MIA2: variants seen among roughly 807,000 people sequenced by gnomAD.
MIA2 encodes the protein melanoma inhibitory activity protein 2.
MIA2 carries 127 observed loss-of-function variants against 167.8 expected under a neutral mutation model. The observed-to-expected ratio is 0.76, with a 90% CI of 0.66 to 0.88. The LOEUF is 0.88. Ranked by LOEUF, MIA2 falls within the 40% of genes least tolerant of loss-of-function variation. The pLI, the probability that MIA2 is intolerant of heterozygous loss-of-function variation, is 0.00. For missense variants in MIA2, 1,690 were observed against 1,624.7 expected, an observed-to-expected ratio of 1.04 and a Z score of -0.69; for synonymous variants, 552 against 541.9, an observed-to-expected ratio of 1.02 and a Z score of -0.26.
In MIA2 at chr14:39,246,980, G is replaced by T; in HGVS notation, c.406G>T (p.Asp136Tyr). 6.4e-7 allele frequency: 1 copy of T among 1,554,936 alleles called. No individual in the cohort carries two copies. Among genetic ancestry groups the T allele is most frequent in the South Asian group, 1.3e-5 (1 of 79,202 alleles). ...CAATGAAGATAGTGAATTAAACGGT[G>T]ATTATGGTGAAAATATATATCCTTA... The part of the protein sequence containing the change: ...FDNEDSELNG[D>Y]YGENIYPYEE... The change falls in exon 4 of 29, where the codon GAT becomes TAT. Residue 136 changes from aspartate (D) to tyrosine (Y), a missense_variant. By Grantham distance (160) the Asp-to-Tyr change is radical (BLOSUM62 -3). Transcript: ENST00000640607.
chr14:39,322,776 G>T (rs1336719620), intron 24 of MIA2, among the ~76,000 whole-genome samples: 1 of 151,876 alleles, frequency 6.6e-6, no homozygotes, highest in Non-Finnish European at 1.5e-5. Context: ...ATCTTAATTT[G>T]TGGCGAAATT....
At chr14:39,342,029 T>G (rs575065876) in intron 25 of MIA2, among the ~76,000 whole-genome samples, 39 of 152,152 alleles carry the variant, frequency 2.6e-4, no homozygotes, top group South Asian at 1.9e-3. Flanking sequence ...AAAAAAAATT[T>G]TATTATACTC....
chr14:39,376,425 A>G (rs1412548434), intron 23 of MIA2, among the ~76,000 whole-genome samples: 6 of 152,222 alleles, frequency 3.9e-5, no homozygotes, highest in Non-Finnish European at 5.9e-5. Flanking sequence ...ATTTTAATAT[A>G]TAAATGTTTT....
chr14:39,353,162 T>A (rs1381248077), downstream of MIA2, among the ~76,000 whole-genome samples: 1 of 152,204 alleles, frequency 6.6e-6, no homozygotes, highest in Non-Finnish European at 1.5e-5. Context: ...GTATCCACCA[T>A]CTTGAGTATT....
At chr14:39,256,966 G>T (rs1287495056) in intron 6 of MIA2, among the ~76,000 whole-genome samples, 1 of 152,164 alleles carries the variant, frequency 6.6e-6, no homozygotes, top group East Asian at 1.9e-4. Context: ...TTGCACTGTG[G>T]TCTGAGAGAC....
chr14:39,336,755 A>C (rs1032844193), intron 25 of MIA2, among the ~76,000 whole-genome samples: 2 of 152,064 alleles, frequency 1.3e-5, no homozygotes, highest in African/African-American at 4.8e-5. Flanking sequence ...TTTATTAAAA[A>C]ATTTTTTTAG....
chr14:39,352,810 T>C (rs2074424769), downstream of MIA2, among the ~76,000 whole-genome samples: 1 of 152,206 alleles, frequency 6.6e-6, no homozygotes, highest in South Asian at 2.1e-4. Context: ...TATGTATGCA[T>C]GTAGAATCAC....
intron 1 of MIA2, among the ~76,000 whole-genome samples, chr14:39,236,158 G>A (rs1329958303): frequency 6.6e-6 from 1 of 152,108 alleles, no homozygotes; most frequent in Non-Finnish European, 1.5e-5. Flanking sequence ...TTTTAGTGAA[G>A]GATGACAAGA....
chr14:39,281,336 A>G (rs2058908314), intron 9 of MIA2, among the ~76,000 whole-genome samples: 1 of 151,972 alleles, frequency 6.6e-6, no homozygotes, highest in South Asian at 2.1e-4. Flanking sequence ...TTTTTATTAT[A>G]TCTCATCTGT....
rs191684617 is a variant in MIA2, at chr14:39,257,227, G to A, written c.1887+4056G>A. On this transcript the variant is annotated intron_variant, in intron 6 of 28. Coordinates refer to ENST00000640607, the MANE Select transcript of MIA2 (RefSeq NM_001329214.4). ...ATTATTGTGTGGGAGTCTAAGTCTC[G>A]TTGTAGGTCTCTAAGAACTTGCTTT... Among the ~76,000 whole-genome samples, 14 of 152,222 alleles carry A rather than the reference G, an allele frequency of 9.2e-5. No homozygotes were observed. The East Asian group carries it at 1.2e-3, about 13-fold the overall frequency.
At chr14:39,255,066 C>T (rs1225394577) in intron 6 of MIA2, among the ~76,000 whole-genome samples, 1 of 152,132 alleles carries the variant, frequency 6.6e-6, no homozygotes, top group African/African-American at 2.4e-5. Flanking sequence ...TAGCATACAT[C>T]ATTTTGCTTT....
intron 6 of MIA2, among the ~76,000 whole-genome samples, chr14:39,262,652 G>C (rs919869505): frequency 8.5e-5 from 13 of 152,174 alleles, no homozygotes; most frequent in African/African-American, 3.1e-4. Context: ...CATGAGCATG[G>C]AATGTTCTTC....
At chr14:39,344,700 G>A (rs539431202) in intron 25 of MIA2, among the ~76,000 whole-genome samples, 8 of 152,262 alleles carry the variant, frequency 5.3e-5, no homozygotes, top group East Asian at 3.9e-4. Flanking sequence ...GGTTGTTTAC[G>A]TATATCTGTA....
At chr14:39,382,063 A>G (rs1049552312) in intron 23 of MIA2, among the ~76,000 whole-genome samples, 7 of 152,144 alleles carry the variant, frequency 4.6e-5, no homozygotes, top group African/African-American at 1.7e-4. Flanking sequence ...AAAAAACTCA[A>G]ACTTGCCTTC....
chr14:39,293,442 T>C, intron 11 of MIA2, 61 bp downstream of exon 11: 2 of 1,122,472 alleles, frequency 1.8e-6, no homozygotes, highest in Non-Finnish European at 2.6e-6. Flanking sequence ...TTTAAAAAAT[T>C]AATATGATAC....
At chr14:39,291,312 C>T (rs1258055748) in intron 10 of MIA2, among the ~76,000 whole-genome samples, 1 of 152,016 alleles carries the variant, frequency 6.6e-6, no homozygotes, top group Non-Finnish European at 1.5e-5. Flanking sequence ...TTATTGCTAA[C>T]TTGTTTTGAG....
In MIA2 at chr14:39,326,841, T is replaced by C. The variant is rs762981788; in HGVS notation, c.3497-23T>C. The C allele has an allele frequency of 3.5e-6, 5 of 1,425,140 alleles. No individual in the cohort carries two copies. In the African/African-American group the frequency reaches 9.0e-5, roughly 26 times the overall value. 88.3% of individuals were successfully genotyped at this position (1,425,140 alleles called of 1,614,324 possible). On this transcript the variant is annotated intron_variant, in intron 24 of 28. Coordinates refer to ENST00000640607, the MANE Select transcript of MIA2 (RefSeq NM_001329214.4). Reference sequence around the variant, plus strand: ...GACTTTTTAAGATGAAACAGATTTGTATGTTTTTTTTTCTTTAATTAGGCT... The same window carrying C: ...GACTTTTTAAGATGAAACAGATTTGCATGTTTTTTTTTCTTTAATTAGGCT...
intron 28 of MIA2, 106 bp downstream of exon 28, chr14:39,349,083 T>C: frequency 7.5e-7 from 1 of 1,329,340 alleles, no homozygotes; most frequent in Non-Finnish European, 1.0e-6. Context: ...GAAAGTTTTT[T>C]CTAGCATTCT....
intron 27 of MIA2, 68 bp from the exon 28 acceptor site, chr14:39,348,675 C>A: frequency 6.3e-7 from 1 of 1,583,356 alleles, no homozygotes; most frequent in African/African-American, 1.3e-5. Flanking sequence ...TCTTCTAAGC[C>A]TGAGATTTTC....
Sources: allele counts gnomAD v4.1 joint callset (sites outside exome capture counted in the v4.1 genomes callset), GRCh38; gene constraint gnomAD v4.1.1; transcripts MANE v1.5; gene names NCBI Gene and HGNC (gene_info 2026-07-23, HGNC 2026-07-21).